ABCD3: variants seen among roughly 807,000 people sequenced by gnomAD.
ABCD3 encodes ATP binding cassette subfamily D member 3, also known as ATP-binding cassette sub-family D member 3.
In ABCD3, 41 loss-of-function variants were observed where a neutral mutation model predicts 105.5. That is an observed-to-expected ratio of 0.39 (90% CI 0.30 to 0.50). The LOEUF is 0.50. Ranked by LOEUF, ABCD3 falls within the 20% of genes least tolerant of loss-of-function variation. The pLI, the probability that ABCD3 is intolerant of heterozygous loss-of-function variation, is 0.84. For missense variants in ABCD3, 622 were observed against 806.3 expected (o/e 0.77, Z 2.77); for synonymous variants, 258 against 269.0 (o/e 0.96, Z 0.40).
intron 1 of ABCD3, among the ~76,000 whole-genome samples, chr1:94,432,136 G>A (rs958199065): frequency 2.6e-5 from 4 of 152,168 alleles, no homozygotes; most frequent in East Asian, 3.8e-4. Flanking sequence ...TATCCAGTAC[G>A]TTCTGTTGAG....
the ABCD3 span, among the ~76,000 whole-genome samples, chr1:94,408,408 C>A: frequency 7.1e-4 from 107 of 149,814 alleles, no homozygotes; most frequent in East Asian, 0.017. Context: ...CATGGTGAAA[C>A]CCCATCTCTA....
chr1:94,515,317 A>C (rs1650868248), intron 22 of ABCD3, 115 bp downstream of exon 22: 2 of 828,008 alleles, frequency 2.4e-6, no homozygotes, highest in South Asian at 3.1e-5. Flanking sequence ...ATATGTCTTA[A>C]GGAGAAAAGG....
chr1:94,419,287 C>T (rs1284919509), intron 1 of ABCD3: 33 of 985,198 alleles, frequency 3.3e-5, no homozygotes, highest in Admixed American at 6.2e-5. Context: ...GTTTTCCTTC[C>T]TGGGCTCTGT....
the ABCD3 span, among the ~76,000 whole-genome samples, chr1:94,386,011 C>T: frequency 6.9e-6 from 1 of 144,888 alleles, no homozygotes; most frequent in Admixed American, 6.8e-5. Context: ...GAAGAGATTA[C>T]TTTTAGAATC....
rs574464549 is a variant in ABCD3 at position 94,451,445 on chromosome 1, A to G, written c.111-7162A>G. Among the ~76,000 whole-genome samples the G allele has an allele frequency of 2.0e-5, 3 of 152,006 alleles. No individual in the cohort carries two copies. In the South Asian group the frequency reaches 6.2e-4, roughly 31 times the overall value. Reference sequence around the variant, plus strand: ...ACCCAGGAGCATTGTCAGTCAGGGAACAACTTAAACCAAGTTCCTTGAGAA... The same window carrying G: ...ACCCAGGAGCATTGTCAGTCAGGGAGCAACTTAAACCAAGTTCCTTGAGAA... On this transcript the variant is annotated intron_variant, in intron 1 of 22. Coordinates refer to ENST00000370214, the MANE Select transcript of ABCD3 (RefSeq NM_002858.4).
At position 94,430,363 on chromosome 1, in the gene ABCD3, A is replaced by G. The variant is rs1020603123; in HGVS notation, c.110+11775A>G. 1.8e-4 allele frequency among the ~76,000 whole-genome samples: 28 copies of G among 152,158 alleles called. 1 individual carries two copies. Among genetic ancestry groups the G allele is most frequent in the Admixed American group, 6.5e-5 (1 of 15,272 alleles). On this transcript the variant is annotated intron_variant, in intron 1 of 22. Coordinates refer to ENST00000370214, the MANE Select transcript of ABCD3 (RefSeq NM_002858.4). ...ATGACTGGTTTTGAAATGTGAGGAC[A>G]TGAGATTTGGGAGGGACTGGGGCAG...
At chr1:94,486,552 C>T (rs935411906) in intron 10 of ABCD3, among the ~76,000 whole-genome samples, 3 of 152,172 alleles carry the variant, frequency 2.0e-5, no homozygotes, top group Admixed American at 6.6e-5. Context: ...CAGGAAGCCA[C>T]ATTTTAGTGG....
In ABCD3 at chr1:94,454,065, T is replaced by A. The variant is rs1023986782; in HGVS notation, c.111-4542T>A. Reference sequence around the variant, plus strand: ...ATATGTATGGGCATGCATATGTGTATGTACTTGGGTATATTCAGTATGTAT... The same window carrying A: ...ATATGTATGGGCATGCATATGTGTAAGTACTTGGGTATATTCAGTATGTAT... On this transcript the variant is annotated intron_variant, in intron 1 of 22. Coordinates refer to ENST00000370214, the MANE Select transcript of ABCD3 (RefSeq NM_002858.4). Among the ~76,000 whole-genome samples, 22 of 152,080 alleles carry A rather than the reference T, an allele frequency of 1.4e-4. 1 individual carries two copies. The highest frequency in any genetic ancestry group is 5.3e-4 in the African/African-American group (22 of 41,412).
chr1:94,461,403 A>G (rs1647862138), intron 2 of ABCD3, among the ~76,000 whole-genome samples: 1 of 152,040 alleles, frequency 6.6e-6, no homozygotes, highest in Non-Finnish European at 1.5e-5. Context: ...GTATAAAGAT[A>G]AGTACTGTGC....
intron 6 of ABCD3, 62 bp from the exon 7 acceptor site, chr1:94,475,552 T>C: frequency 2.0e-6 from 3 of 1,536,816 alleles, no homozygotes; most frequent in Non-Finnish European, 2.7e-6. Flanking sequence ...TATGATTTTT[T>C]TGTTGTTGTT....
chr1:94,504,736 T>C (rs948374608), intron 20 of ABCD3, among the ~76,000 whole-genome samples: 1 of 152,156 alleles, frequency 6.6e-6, no homozygotes, highest in African/African-American at 2.4e-5. Context: ...TGAAGTTCCC[T>C]GATTGACATT....
At chr1:94,455,875 C>G (rs571416224) in intron 1 of ABCD3, 1 of 1,220,290 alleles carries the variant, frequency 8.2e-7, no homozygotes, top group African/African-American at 1.6e-5. Flanking sequence ...CCATTTATCT[C>G]TAAGTATCAA....
At chr1:94,516,989 C>A (rs779383175) in intron 22 of ABCD3, 63 bp from the exon 23 acceptor site, 14 of 1,130,308 alleles carry the variant, frequency 1.2e-5, no homozygotes, top group Non-Finnish European at 1.9e-5. Flanking sequence ...TTTTACTTTT[C>A]ATAAAAGACA....
chr1:94,499,589 G>A lies in ABCD3; in HGVS notation c.1715G>A (p.Ser572Asn). 6.2e-7 allele frequency: 1 copy of A among 1,613,778 alleles called. No homozygotes were observed. ...DSVQDWMDVL[S>N]GGEKQRMAMA... ...GTTCAGGATTGGATGGACGTACTCA[G>A]TGGTGGAGAAAAGCAAAGAATGGCG... The change falls in exon 20 of 23, where the codon AGT becomes AAT. Residue 572 changes from serine to asparagine, a missense_variant. Ser to Asn is a conservative substitution (Grantham distance 46). Coordinates refer to ENST00000370214, the MANE Select transcript of ABCD3 (RefSeq NM_002858.4).
upstream of ABCD3, among the ~76,000 whole-genome samples, chr1:94,417,232 A>C (rs1354881678): frequency 6.6e-6 from 1 of 152,162 alleles, no homozygotes; most frequent in African/African-American, 2.4e-5. Flanking sequence ...ACTGTTGAGC[A>C]CCTCTATACG....
At chr1:94,441,133 T>G (rs531752218) in intron 1 of ABCD3, among the ~76,000 whole-genome samples, 1 of 152,172 alleles carries the variant, frequency 6.6e-6, no homozygotes, top group African/African-American at 2.4e-5. Context: ...CTATATAAAA[T>G]TAAAAAGCTT....
intron 1 of ABCD3, among the ~76,000 whole-genome samples, chr1:94,428,602 T>C (rs949898477): frequency 1.3e-5 from 2 of 152,166 alleles, no homozygotes; most frequent in African/African-American, 4.8e-5. Flanking sequence ...GTCTTTCCCA[T>C]GCTGTTCTCG....
At chr1:94,473,627 G>C in intron 4 of ABCD3, 139 bp from the exon 5 acceptor site, 1 of 698,778 alleles carries the variant, frequency 1.4e-6, no homozygotes, top group East Asian at 2.8e-5. Context: ...TTGCAAAAAA[G>C]TGGTTTTTAG....
At position 94,418,403 on chromosome 1, in the gene ABCD3, C is replaced by A; in HGVS notation, c.-76C>A. Reference sequence around the variant, plus strand: ...TCTGCTCTCCTCCCAGTCTCCCCCGCGCTGCGTGCAGTAAGGTAGCCGCCG... The same window carrying A: ...TCTGCTCTCCTCCCAGTCTCCCCCGAGCTGCGTGCAGTAAGGTAGCCGCCG... On this transcript the variant is annotated 5_prime_UTR_variant, in exon 1 of 23. Transcript: ENST00000370214. The A allele has an allele frequency of 2.3e-6, 3 of 1,282,178 alleles. No individual in the cohort carries two copies. The highest frequency in any genetic ancestry group is 3.3e-6 in the Non-Finnish European group (3 of 917,432). The allele number at this position is 1,282,178 out of a possible 1,614,324, so 79.4% of individuals were successfully genotyped here. A position where few individuals can be genotyped will look rare whatever the true frequency, so the allele number is the denominator to read the frequency against.
Sources: allele counts gnomAD v4.1 joint callset (sites outside exome capture counted in the v4.1 genomes callset), GRCh38; gene constraint gnomAD v4.1.1; transcripts MANE v1.5; gene names NCBI Gene and HGNC (gene_info 2026-07-23, HGNC 2026-07-21).